NRG1: variants seen among roughly 807,000 people sequenced by gnomAD.
NRG1 encodes the protein neuregulin 1, also known as pro-neuregulin-1, membrane-bound isoform.
Under a neutral mutation model 63.8 loss-of-function variants are expected in NRG1, and 18 were observed. The observed-to-expected ratio is 0.28, with a 90% CI of 0.19 to 0.42. The LOEUF (loss-of-function observed/expected upper bound fraction) is 0.42. Among genes scored for constraint, NRG1 ranks in the 10% least tolerant of loss-of-function variants. The pLI, the probability that NRG1 is intolerant of heterozygous loss-of-function variation, is 1.00. For synonymous variants in NRG1, 302 were observed against 301.3 expected (o/e 1.00, Z -0.02); for missense variants, 762 against 814.7 (o/e 0.94, Z 0.79).
At chr8:31,888,702 C>A (rs1830913799) in intron 1 of NRG1, among the ~76,000 whole-genome samples, 1 of 151,782 alleles carries the variant, frequency 6.6e-6, no homozygotes, top group Non-Finnish European at 1.5e-5. Flanking sequence ...CGATCAGCCA[C>A]AATAATCTAT....
chr8:32,170,960 A>G (rs1407005805), intron 1 of NRG1, among the ~76,000 whole-genome samples: 6 of 152,320 alleles, frequency 3.9e-5, no homozygotes, highest in African/African-American at 1.4e-4. Context: ...AGAATCACTT[A>G]CCTGTCTCTT....
At chr8:31,782,964 G>T (rs934755491) in intron 1 of NRG1, among the ~76,000 whole-genome samples, 3 of 152,130 alleles carry the variant, frequency 2.0e-5, no homozygotes, top group Non-Finnish European at 4.4e-5. Flanking sequence ...TTATAGCAAA[G>T]AACTGAAGTG....
intron 1 of NRG1, among the ~76,000 whole-genome samples, chr8:32,080,774 T>C (rs997610156): frequency 0.048 from 4,052 of 84,450 alleles, 74 homozygotes; most frequent in South Asian, 0.088. Context: ...CGTGTGTGTG[T>C]GTGTGTGTGT....
At chr8:31,909,126 A>G (rs755843226) in intron 1 of NRG1, among the ~76,000 whole-genome samples, 1 of 152,176 alleles carries the variant, frequency 6.6e-6, no homozygotes, top group Non-Finnish European at 1.5e-5. Flanking sequence ...CATAGCAAAT[A>G]TTGGCTTTAT....
chr8:32,120,458 A>G (rs1358539702), intron 1 of NRG1, among the ~76,000 whole-genome samples: 1 of 152,028 alleles, frequency 6.6e-6, no homozygotes, highest in Non-Finnish European at 1.5e-5. Flanking sequence ...TAAAGTGCTA[A>G]AAGTCTGTGA....
At chr8:31,979,972 C>A (rs994071238) in intron 1 of NRG1, among the ~76,000 whole-genome samples, 3 of 151,996 alleles carry the variant, frequency 2.0e-5, no homozygotes, top group Non-Finnish European at 4.4e-5. Context: ...GTGTGTTACT[C>A]ATTTTCTATG....
chr8:32,371,577 A>G (rs1808863948), intron 1 of NRG1, among the ~76,000 whole-genome samples: 4 of 151,962 alleles, frequency 2.6e-5, no homozygotes, highest in Admixed American at 6.6e-5. Flanking sequence ...GGAGGTGGTC[A>G]AGTGACTAAG....
At chr8:32,184,086 ATGTATG>A (rs1032654377) in intron 1 of NRG1, among the ~76,000 whole-genome samples, 4 of 58,808 alleles carry the variant, frequency 6.8e-5, no homozygotes, top group African/African-American at 3.4e-4. Flanking sequence ...AGTACTATAT[ATGTATG>A]TGTGTGTGTG....
chr8:31,907,438 AG>A (rs1832617118), intron 1 of NRG1, among the ~76,000 whole-genome samples: 1 of 151,464 alleles, frequency 6.6e-6, no homozygotes. Flanking sequence ...TCCTAAGCAA[AG>A]TTATGTAGTT....
chr8:32,676,046 A>G (rs546307288), intron 5 of NRG1, among the ~76,000 whole-genome samples: 1 of 152,188 alleles, frequency 6.6e-6, no homozygotes, highest in East Asian at 1.9e-4. Flanking sequence ...CAATAATAAT[A>G]ATCATGGTAA....
intron 1 of NRG1, among the ~76,000 whole-genome samples, chr8:32,517,497 G>C (rs950891544): frequency 6.6e-6 from 1 of 152,082 alleles, no homozygotes; most frequent in South Asian, 2.1e-4. Context: ...TTCATCAAAA[G>C]AAAACAAAAG....
In NRG1 at chr8:32,396,938, T is replaced by A. The variant is rs559283408; in HGVS notation, c.38-198890T>A. Among the ~76,000 whole-genome samples, 2 of 152,334 alleles carry A rather than the reference T, an allele frequency of 1.3e-5. 1 individual carries two copies. The highest frequency in any genetic ancestry group is 3.9e-4 in the East Asian group (2 of 5,178). ...TTCAAGGAAATCTATATTTTTTCTA[T>A]TACTCACCTTAAAATTCTTGTAGCC... is the stretch of plus-strand genomic sequence containing the variant. On this transcript the variant is annotated intron_variant, in intron 1 of 10. Transcript: ENST00000519301.
intron 1 of NRG1, among the ~76,000 whole-genome samples, chr8:31,949,804 T>C (rs1803189970): frequency 1.3e-5 from 2 of 152,186 alleles, no homozygotes; most frequent in African/African-American, 4.8e-5. Flanking sequence ...CCTGGATATC[T>C]CTCAGTATCC....
chr8:32,481,974 A>G (rs1448644571), intron 1 of NRG1, among the ~76,000 whole-genome samples: 1 of 152,194 alleles, frequency 6.6e-6, no homozygotes, highest in Non-Finnish European at 1.5e-5. Context: ...CCTGGCCTCC[A>G]ACTACTAAGT....
intron 1 of NRG1, among the ~76,000 whole-genome samples, chr8:32,418,218 T>C (rs1434317597): frequency 6.6e-6 from 1 of 152,126 alleles, no homozygotes; most frequent in Non-Finnish European, 1.5e-5. Context: ...ATGGTATTCT[T>C]CTAGTCTAGT....
intron 2 of NRG1, among the ~76,000 whole-genome samples, chr8:32,605,183 C>T (rs2439282): frequency 0.18 from 26,705 of 152,074 alleles, 3,375 homozygotes; most frequent in African/African-American, 0.36. Flanking sequence ...TTTTTCTCTT[C>T]CTAAACCCTA....
At chr8:32,243,694 A>T in intron 1 of NRG1, among the ~76,000 whole-genome samples, 1 of 152,064 alleles carries the variant, frequency 6.6e-6, no homozygotes. Flanking sequence ...TGTGAAATTC[A>T]TATCTTGAAG....
chr8:32,356,576 C>T (rs555579068), intron 1 of NRG1, among the ~76,000 whole-genome samples: 1 of 147,194 alleles, frequency 6.8e-6, no homozygotes, highest in Admixed American at 6.9e-5. Context: ...AGGTCCTGGG[C>T]CTGTTCTAAT....
chr8:31,963,962 T>C (rs1056224547), intron 1 of NRG1, among the ~76,000 whole-genome samples: 1 of 152,154 alleles, frequency 6.6e-6, no homozygotes, highest in African/African-American at 2.4e-5. Flanking sequence ...AGAAAATGTA[T>C]TGGAGGAGAC....
Sources: allele counts gnomAD v4.1 joint callset (sites outside exome capture counted in the v4.1 genomes callset), GRCh38; gene constraint gnomAD v4.1.1; transcripts MANE v1.5; gene names NCBI Gene and HGNC (gene_info 2026-07-23, HGNC 2026-07-21).